TBC1D8: variants seen among roughly 807,000 people sequenced by gnomAD.
The protein encoded by TBC1D8 is TBC1 domain family member 8.
In TBC1D8, 65 loss-of-function variants were observed where a neutral mutation model predicts 118.8. That is an observed-to-expected ratio of 0.55 (90% CI 0.45 to 0.67). TBC1D8 has a LOEUF of 0.67. Among genes scored for constraint, TBC1D8 ranks in the 30% least tolerant of loss-of-function variants. The pLI, the probability that TBC1D8 is intolerant of heterozygous loss-of-function variation, is 0.00. For synonymous variants in TBC1D8, 566 were observed against 595.8 expected, an observed-to-expected ratio of 0.95 and a Z score of 0.73; for missense variants, 1,376 against 1,471.2, an observed-to-expected ratio of 0.94 and a Z score of 1.06.
At chr2:101,144,993 G>A (rs187036348) in intron 1 of TBC1D8, among the ~76,000 whole-genome samples, 3 of 152,270 alleles carry the variant, frequency 2.0e-5, no homozygotes, top group Non-Finnish European at 4.4e-5. Context: ...CACCTAAAAT[G>A]TGGAGTCAAG....
intron 11 of TBC1D8, among the ~76,000 whole-genome samples, chr2:101,030,387 A>G (rs747712228): frequency 1.3e-5 from 2 of 152,240 alleles, no homozygotes; most frequent in East Asian, 1.9e-4. Flanking sequence ...AGAAGAGCCA[A>G]TAAACAAATG....
At chr2:101,053,974 C>T (rs1682224874) in intron 4 of TBC1D8, 134 bp downstream of exon 4, 2 of 772,926 alleles carry the variant, frequency 2.6e-6, no homozygotes, top group Non-Finnish European at 4.1e-6. Context: ...TATAAGTAAT[C>T]AAGTGTCACC....
At chr2:101,113,201 C>T (rs1024010706) in intron 1 of TBC1D8, among the ~76,000 whole-genome samples, 1 of 152,116 alleles carries the variant, frequency 6.6e-6, no homozygotes, top group Non-Finnish European at 1.5e-5. Flanking sequence ...CCTGTTGATT[C>T]CAAAATTAAT....
Position 101,033,707 on chromosome 2 carries a change from T to A in TBC1D8, c.1655A>T (p.Glu552Val). The A allele has an allele frequency of 6.2e-7, 1 of 1,613,924 alleles. No homozygotes were observed. The highest frequency in any genetic ancestry group is 1.1e-5 in the South Asian group (1 of 91,084). The change falls in exon 10 of 20, where the codon GAG becomes GTG. Residue 552 changes from glutamate (E) to valine (V), a missense_variant. Coordinates refer to ENST00000409318, the MANE Select transcript of TBC1D8 (RefSeq NM_001330348.2). Reference sequence around the variant, plus strand: ...CAGGCAGCATTTCCCCAGGGACTCCTCCACCAGATTCCCGTAGTAACCAGG... The same window carrying A: ...CAGGCAGCATTTCCCCAGGGACTCCACCACCAGATTCCCGTAGTAACCAGG... The part of the protein sequence containing the change: ...SHPGYYGNLV[E>V]ESLGKCCLVT...
intron 1 of TBC1D8, among the ~76,000 whole-genome samples, chr2:101,110,156 C>T (rs983117708): frequency 9.8e-5 from 15 of 152,316 alleles, no homozygotes; most frequent in African/African-American, 2.9e-4. Context: ...AATAGTGCAG[C>T]AATTCTTTCA....
intron 1 of TBC1D8, among the ~76,000 whole-genome samples, chr2:101,091,155 G>A (rs2105457965): frequency 6.6e-6 from 1 of 152,008 alleles, no homozygotes; most frequent in South Asian, 2.1e-4. Context: ...CGTGGTGGCA[G>A]GCACCTGTAA....
At chr2:101,069,025 G>T (rs924374890) in intron 2 of TBC1D8, among the ~76,000 whole-genome samples, 2 of 150,048 alleles carry the variant, frequency 1.3e-5, no homozygotes, top group South Asian at 4.2e-4. Flanking sequence ...AAAAGGCCAG[G>T]CATGGTGGCT....
At chr2:101,087,772 A>G (rs1013139285) in intron 2 of TBC1D8, among the ~76,000 whole-genome samples, 6 of 152,236 alleles carry the variant, frequency 3.9e-5, no homozygotes, top group African/African-American at 1.4e-4. Flanking sequence ...AGTACAATGT[A>G]AAACTAATAA....
chr2:101,066,673 G>A (rs1206909490), intron 2 of TBC1D8, among the ~76,000 whole-genome samples: 2 of 151,990 alleles, frequency 1.3e-5, no homozygotes, highest in Non-Finnish European at 1.5e-5. Flanking sequence ...CTGGCCTGGC[G>A]CAGTGGCTCA....
At chr2:101,088,958 G>GAAAA (rs77084733) in intron 2 of TBC1D8, among the ~76,000 whole-genome samples, 2 of 150,442 alleles carry the variant, frequency 1.3e-5, no homozygotes, top group Non-Finnish European at 3.0e-5. Flanking sequence ...AAAACAAACT[G>GAAAA]AAAAAAAAAT....
At chr2:101,138,512 G>A (rs900406868) in intron 1 of TBC1D8, among the ~76,000 whole-genome samples, 1 of 152,184 alleles carries the variant, frequency 6.6e-6, no homozygotes, top group Non-Finnish European at 1.5e-5. Flanking sequence ...ACAAGCCCAA[G>A]GCTGTCACCT....
In TBC1D8 at chr2:101,010,833, G is replaced by A. The variant is rs530104272; in HGVS notation, c.3015+96C>T. On this transcript the variant is annotated intron_variant, in intron 19 of 19. Coordinates refer to ENST00000409318, the MANE Select transcript of TBC1D8 (RefSeq NM_001330348.2). ...GGAGGTGGAGGTTGCAGTGGGCTGA[G>A]ATCGCGCCACTGTACTCCAGCCTGG... The A allele has an allele frequency of 1.5e-5, 15 of 996,920 alleles. No individual in the cohort carries two copies. The Admixed American group carries it at 1.6e-4, about 11-fold the overall frequency. 61.8% of individuals were successfully genotyped at this position (996,920 alleles called of 1,614,324 possible).
chr2:101,082,281 C>A (rs1210860651), intron 2 of TBC1D8, among the ~76,000 whole-genome samples: 3 of 152,182 alleles, frequency 2.0e-5, no homozygotes, highest in East Asian at 1.9e-4. Context: ...CTGGACTTTC[C>A]AAGCACAGGA....
chr2:101,127,058 C>T (rs1323383175), intron 1 of TBC1D8, among the ~76,000 whole-genome samples: 2 of 152,160 alleles, frequency 1.3e-5, no homozygotes, highest in African/African-American at 4.8e-5. Context: ...GGCCCCTGGC[C>T]AGGCGCAGTG....
chr2:101,107,873 A>T (rs1291499564), intron 1 of TBC1D8, among the ~76,000 whole-genome samples: 1 of 152,154 alleles, frequency 6.6e-6, no homozygotes, highest in Non-Finnish European at 1.5e-5. Context: ...TGAGGACAGC[A>T]TCAATAAAGG....
chr2:101,114,362 G>A (rs927318685), intron 1 of TBC1D8, among the ~76,000 whole-genome samples: 23 of 152,042 alleles, frequency 1.5e-4, no homozygotes, highest in African/African-American at 5.1e-4. Context: ...TTATCGGTTC[G>A]CAACACCTGG....
intron 17 of TBC1D8, among the ~76,000 whole-genome samples, chr2:101,012,213 A>G (rs1314949500): frequency 6.6e-6 from 1 of 152,210 alleles, no homozygotes; most frequent in East Asian, 1.9e-4. Flanking sequence ...CTACATATAC[A>G]CCCAAGAGAA....
chr2:101,099,361 GTAAT>G (rs1676677668), intron 1 of TBC1D8, among the ~76,000 whole-genome samples: 1 of 152,158 alleles, frequency 6.6e-6, no homozygotes, highest in Non-Finnish European at 1.5e-5. Context: ...AATTGAGGCA[GTAAT>G]TAATAGCCCA....
In TBC1D8 at chr2:101,117,310, C is replaced by A. The variant is rs949906274; in HGVS notation, c.128-26946G>T. ...CAACTCAGGCCCTGGCTCTTTTCCACGCACAGAGTGAGAGAGCTTTAAATA... is the reference window on the plus strand; with the variant it reads ...CAACTCAGGCCCTGGCTCTTTTCCAAGCACAGAGTGAGAGAGCTTTAAATA... On this transcript the variant is annotated intron_variant, in intron 1 of 19. Transcript: ENST00000409318. Among the ~76,000 whole-genome samples, 3 of 152,146 alleles carry A rather than the reference C, an allele frequency of 2.0e-5. 1 individual carries two copies. The highest frequency in any genetic ancestry group is 4.4e-5 in the Non-Finnish European group (3 of 68,026).
Sources: gnomAD v4.1 joint callset for allele counts (sites outside exome capture counted in the v4.1 genomes callset) on GRCh38, gnomAD v4.1.1 for gene constraint, MANE v1.5 for transcripts, NCBI Gene and HGNC (gene_info 2026-07-23, HGNC 2026-07-21) for gene names.